The following EYA2 variants were observed in gnomAD, a reference collection of about 807,000 sequenced individuals.
EYA2 encodes protein phosphatase EYA2.
A neutral mutation model predicts 69.2 loss-of-function variants in EYA2; 31 were observed. The ratio of observed to expected loss-of-function variants is 0.45; its 90% CI spans 0.34 to 0.60. The LOEUF is 0.60. Ranked by LOEUF, EYA2 falls within the 20% of genes least tolerant of loss-of-function variation. The pLI is 0.02. For missense variants in EYA2, 622 were observed against 701.2 expected (o/e 0.89, Z 1.28); for synonymous variants, 257 against 279.4 (o/e 0.92, Z 0.80).
chr20:47,006,093 CTG>C (rs1370760232), intron 4 of EYA2, among the ~76,000 whole-genome samples: 2 of 152,222 alleles, frequency 1.3e-5, no homozygotes, highest in Non-Finnish European at 2.9e-5. Context: ...GGCTCTCCCA[CTG>C]TGGTGGCAAA....
chr20:46,971,095 ACACACACACACATG>A (rs1980115759), intron 1 of EYA2, among the ~76,000 whole-genome samples: 1 of 151,788 alleles, frequency 6.6e-6, no homozygotes, highest in African/African-American at 2.4e-5. Flanking sequence ...ACACACACAC[ACACACACACACATG>A]CACACACACG....
chr20:46,974,853 T>C (rs1180765539), intron 1 of EYA2, among the ~76,000 whole-genome samples: 1 of 152,166 alleles, frequency 6.6e-6, no homozygotes, highest in East Asian at 1.9e-4. Flanking sequence ...ACATGTGTGG[T>C]CCTGTCCGAG....
intron 1 of EYA2, among the ~76,000 whole-genome samples, chr20:46,908,517 G>T (rs1368315898): frequency 6.6e-6 from 1 of 152,178 alleles, no homozygotes; most frequent in Non-Finnish European, 1.5e-5. Flanking sequence ...CATGTCCAGA[G>T]TCAAAATTAT....
chr20:47,112,205 G>A (rs57242944), intron 9 of EYA2, among the ~76,000 whole-genome samples: 21,984 of 152,074 alleles, frequency 0.14, 1,833 homozygotes, highest in Middle Eastern at 0.24. Flanking sequence ...ACATATGTGC[G>A]GTAAAGGTAG....
intron 5 of EYA2, among the ~76,000 whole-genome samples, chr20:47,055,749 AAG>A (rs769580333): frequency 6.6e-6 from 1 of 152,150 alleles, no homozygotes; most frequent in Non-Finnish European, 1.5e-5. Context: ...CACCTCCTCT[AAG>A]AGGTCTTCCA....
chr20:47,032,573 G>A lies in EYA2; in HGVS notation c.415+16276G>A, dbSNP rs189410087. 2.4e-3 allele frequency among the ~76,000 whole-genome samples: 367 copies of A among 151,608 alleles called. 2 individuals carry two copies. The highest frequency in any genetic ancestry group is 3.0e-3 in the Non-Finnish European group (203 of 67,942). On this transcript the variant is annotated intron_variant, in intron 5 of 15. Transcript: ENST00000327619. ...TTATAAGTTGTCTTTTATATTTTTC[G>A]CCAATTAACATGTCTCGGAGATCTC...
At chr20:46,936,997 G>T (rs148053910) in intron 1 of EYA2, among the ~76,000 whole-genome samples, 56 of 152,296 alleles carry the variant, frequency 3.7e-4, no homozygotes, top group African/African-American at 1.3e-3. Context: ...GATTTTAAGT[G>T]CCCCAGCTAA....
chr20:47,020,093 C>T (rs1285635881), intron 5 of EYA2, among the ~76,000 whole-genome samples: 3 of 151,932 alleles, frequency 2.0e-5, no homozygotes, highest in African/African-American at 4.8e-5. Context: ...TATGATCACC[C>T]CACTGCACTC....
At chr20:47,186,333 T>C (rs2034639856) in intron 15 of EYA2, among the ~76,000 whole-genome samples, 1 of 147,984 alleles carries the variant, frequency 6.8e-6, no homozygotes, top group African/African-American at 2.5e-5. Context: ...ACCTGCTAAC[T>C]ATGAAGCACT....
chr20:47,113,706 C>A (rs1486309050), intron 9 of EYA2, among the ~76,000 whole-genome samples: 1 of 152,154 alleles, frequency 6.6e-6, no homozygotes, highest in East Asian at 1.9e-4. Context: ...TGAGATTTCT[C>A]CAGAGAGAGA....
At chr20:46,940,077 G>A (rs956592463) in intron 1 of EYA2, among the ~76,000 whole-genome samples, 7 of 152,232 alleles carry the variant, frequency 4.6e-5, no homozygotes, top group Non-Finnish European at 8.8e-5. Context: ...AATATAATAG[G>A]CCTACCTGAG....
At chr20:47,088,593 T>C (rs2031972166) in intron 7 of EYA2, among the ~76,000 whole-genome samples, 1 of 152,054 alleles carries the variant, frequency 6.6e-6, no homozygotes, top group Non-Finnish European at 1.5e-5. Flanking sequence ...GAATACTTGA[T>C]TGGTTGATTT....
intron 10 of EYA2, among the ~76,000 whole-genome samples, chr20:47,148,775 C>T (rs2033760574): frequency 6.6e-6 from 1 of 152,212 alleles, no homozygotes; most frequent in Non-Finnish European, 1.5e-5. Flanking sequence ...AGCACCTGCT[C>T]AAGATCTGTC....
At chr20:46,909,123 T>A (rs987616514) in intron 1 of EYA2, among the ~76,000 whole-genome samples, 2 of 151,948 alleles carry the variant, frequency 1.3e-5, no homozygotes, top group Non-Finnish European at 1.5e-5. Flanking sequence ...TTTTCATTAG[T>A]TTCTTGATGA....
chr20:47,032,792 G>T (rs1404450916), intron 5 of EYA2, among the ~76,000 whole-genome samples: 1 of 152,190 alleles, frequency 6.6e-6, no homozygotes, highest in Non-Finnish European at 1.5e-5. Flanking sequence ...AAAGTCAAGT[G>T]CTTCCTTGCT....
At chr20:46,990,228 C>A in intron 2 of EYA2, 109 bp downstream of exon 2, 1 of 568,252 alleles carries the variant, frequency 1.8e-6, no homozygotes, top group Non-Finnish European at 3.3e-6. Flanking sequence ...GTCCTTAGGA[C>A]AATTTCTCCC....
intron 9 of EYA2, among the ~76,000 whole-genome samples, chr20:47,101,268 G>A (rs1037707043): frequency 4.6e-5 from 7 of 152,174 alleles, no homozygotes; most frequent in Admixed American, 2.0e-4. Flanking sequence ...AAAGTTTTTT[G>A]TAGAGATGGG....
At chr20:46,955,739 T>TTAG (rs1355731813) in intron 1 of EYA2, among the ~76,000 whole-genome samples, 9 of 152,240 alleles carry the variant, frequency 5.9e-5, no homozygotes, top group African/African-American at 2.2e-4. Flanking sequence ...TTTTTCACTG[T>TTAG]TAGTACATCT....
chr20:46,944,179 A>G (rs1978331144), intron 1 of EYA2, among the ~76,000 whole-genome samples: 1 of 152,160 alleles, frequency 6.6e-6, no homozygotes, highest in Admixed American at 6.5e-5. Flanking sequence ...CTCCCAGGAA[A>G]GAGAGGATGT....
Sources: gnomAD v4.1 joint callset for allele counts (sites outside exome capture counted in the v4.1 genomes callset) on GRCh38, gnomAD v4.1.1 for gene constraint, MANE v1.5 for transcripts, NCBI Gene and HGNC (gene_info 2026-07-23, HGNC 2026-07-21) for gene names.